The following BCAT1 variants were observed in gnomAD, a reference collection of about 807,000 sequenced individuals.
The protein encoded by BCAT1 is branched chain amino acid transaminase 1.
A neutral mutation model predicts 52.4 loss-of-function variants in BCAT1; 48 were observed. The ratio of observed to expected loss-of-function variants is 0.92; its 90% CI spans 0.73 to 1.16. BCAT1 has a LOEUF of 1.16. Ranked by LOEUF, BCAT1 falls within the 50% of genes most tolerant of loss-of-function variation. The pLI, the probability that BCAT1 is intolerant of heterozygous loss-of-function variation, is 0.00. For missense variants in BCAT1, 451 were observed against 457.1 expected (o/e 0.99, Z 0.12); for synonymous variants, 167 against 161.3 (o/e 1.04, Z -0.27).
At chr12:24,910,535 A>C (rs1304692521) in intron 1 of BCAT1, among the ~76,000 whole-genome samples, 1 of 152,198 alleles carries the variant, frequency 6.6e-6, no homozygotes, top group African/African-American at 2.4e-5. Context: ...AAAACCTAAT[A>C]ATAATAAATC....
chr12:24,871,138 A>ATGCCAAT (rs3044290), intron 5 of BCAT1, among the ~76,000 whole-genome samples: 31,693 of 152,044 alleles, frequency 0.21, 3,765 homozygotes, highest in African/African-American at 0.33. Flanking sequence ...AACAGATCAA[A>ATGCCAAT]TGCCAATTTC....
rs1180469179 is a variant in BCAT1 at position 24,948,936 on chromosome 12, TC to T, written c.-5del. 5 of 1,596,646 alleles carry T rather than the reference TC, an allele frequency of 3.1e-6. No homozygotes were observed. In the African/African-American group the frequency reaches 4.0e-5, roughly 13 times the overall value. The stretch of plus-strand genomic sequence containing the variant: ...AACCATAAGTAGTTACCTTCATTGT[TC>T]CGTCGGCCACGAGGGAAGCTCGAGC... On this transcript the variant is annotated 5_prime_UTR_variant, in exon 1 of 11. Coordinates refer to ENST00000261192, the MANE Select transcript of BCAT1 (RefSeq NM_005504.7).
intron 1 of BCAT1, 32 bp from the exon 2 acceptor site, chr12:24,901,917 A>C (rs767374863): frequency 4.0e-5 from 65 of 1,613,366 alleles, no homozygotes; most frequent in Non-Finnish European, 1.8e-5. Flanking sequence ...CATTAAGTAA[A>C]TGCAGGTGGG....
In BCAT1 at chr12:24,842,141, T is replaced by G; in HGVS notation, c.758A>C (p.His253Pro). The G allele has an allele frequency of 6.2e-7, 1 of 1,613,706 alleles. No homozygotes were observed. The highest frequency in any genetic ancestry group is 8.5e-7 in the Non-Finnish European group (1 of 1,179,604). ...CATAGTTCCCACTTCAGTGATCTGA[T>G]GGTCCTCTCCATAGAGCCACAGGAC... ...QQVLWLYGED[H>P]QITEVGTMNL... The change falls in exon 7 of 11, where the codon CAT becomes CCT. Residue 253 changes from histidine to proline, a missense_variant. Physicochemically the swap from His to Pro is moderately conservative, Grantham distance 77. Coordinates refer to ENST00000261192, the MANE Select transcript of BCAT1 (RefSeq NM_005504.7).
chr12:24,894,544 G>A, intron 2 of BCAT1, 69 bp from the exon 3 acceptor site: 1 of 1,292,968 alleles, frequency 7.7e-7, no homozygotes, highest in Non-Finnish European at 1.1e-6. Context: ...TTATACAGAG[G>A]GGAAAAAAAA....
At chr12:24,860,181 G>A (rs1412780433) in intron 5 of BCAT1, among the ~76,000 whole-genome samples, 2 of 152,130 alleles carry the variant, frequency 1.3e-5, no homozygotes, top group Non-Finnish European at 2.9e-5. Context: ...GCTCTTAAAT[G>A]CAGGTTTCTG....
At chr12:24,856,430 G>A (rs951195806) in intron 5 of BCAT1, among the ~76,000 whole-genome samples, 1 of 152,110 alleles carries the variant, frequency 6.6e-6, no homozygotes, top group African/African-American at 2.4e-5. Context: ...CTAACCCACG[G>A]TGTGACTGTA....
chr12:24,830,753 T>A (rs922034667), intron 9 of BCAT1: 4 of 152,198 alleles, frequency 2.6e-5, no homozygotes, highest in African/African-American at 9.7e-5. Flanking sequence ...ACAACTTCAG[T>A]GGATGGATCA....
intron 5 of BCAT1, among the ~76,000 whole-genome samples, chr12:24,855,661 G>A (rs1008855920): frequency 2.0e-5 from 3 of 152,324 alleles, no homozygotes; most frequent in East Asian, 1.9e-4. Flanking sequence ...GATTACAGGC[G>A]TGAACTACCA....
rs960375439 is a variant in BCAT1, at chr12:24,813,709, T to G, written c.*4299A>C. On this transcript the variant is annotated 3_prime_UTR_variant, in exon 11 of 11. Transcript: ENST00000261192. The stretch of plus-strand genomic sequence containing the variant: ...TAAACACCAACCTTATTAAGTAGTT[T>G]TGCACTAGAAGAAAGGAAGGAATTA... The G allele has an allele frequency of 6.6e-6, 1 of 152,008 alleles. No homozygotes were observed. The highest frequency in any genetic ancestry group is 2.4e-5 in the African/African-American group (1 of 41,426). 9.4% of individuals were successfully genotyped at this position (152,008 alleles called of 1,614,324 possible).
intron 10 of BCAT1, among the ~76,000 whole-genome samples, chr12:24,826,285 CATT>C (rs1940395670): frequency 6.6e-6 from 1 of 152,176 alleles, no homozygotes; most frequent in Non-Finnish European, 1.5e-5. Context: ...AGATTCAAGT[CATT>C]AATATACTTT....
At chr12:24,888,989 TA>T (rs551016933) in intron 3 of BCAT1, among the ~76,000 whole-genome samples, 85 of 152,046 alleles carry the variant, frequency 5.6e-4, no homozygotes, top group Non-Finnish European at 1.0e-3. Context: ...ATAAAAGGAT[TA>T]GGGTGGGGCA....
In BCAT1 at chr12:24,814,667, A is replaced by C. The variant is rs1045073411; in HGVS notation, c.*3341T>G. ...TAGGTAAATTTTATGAAGCAACAAA[A>C]CTAATATGGTGAAGAATTTTAACCC... On this transcript the variant is annotated 3_prime_UTR_variant, in exon 11 of 11. Transcript: ENST00000261192. 3 of 152,046 alleles carry C rather than the reference A, an allele frequency of 2.0e-5. No homozygotes were observed. Among genetic ancestry groups the C allele is most frequent in the African/African-American group, 7.2e-5 (3 of 41,410 alleles). 9.4% of individuals were successfully genotyped at this position (152,046 alleles called of 1,614,324 possible).
At chr12:24,861,038 A>C (rs1941836287) in intron 5 of BCAT1, among the ~76,000 whole-genome samples, 1 of 152,254 alleles carries the variant, frequency 6.6e-6, no homozygotes, top group Admixed American at 6.5e-5. Context: ...CAAACAAATC[A>C]GTCCTACCAT....
chr12:24,908,926 AGAGT>A (rs1450842095), intron 1 of BCAT1, among the ~76,000 whole-genome samples: 4 of 152,178 alleles, frequency 2.6e-5, no homozygotes, highest in African/African-American at 4.8e-5. Flanking sequence ...ATTTAAACTC[AGAGT>A]AAGTAATGGG....
chr12:24,863,418 A>G (rs1293589594), intron 5 of BCAT1, among the ~76,000 whole-genome samples: 1 of 152,264 alleles, frequency 6.6e-6, no homozygotes, highest in African/African-American at 2.4e-5. Context: ...GACTGTAAAC[A>G]TGACCACAGA....
At chr12:24,933,854 T>C (rs1344996656) in intron 1 of BCAT1, among the ~76,000 whole-genome samples, 5 of 151,966 alleles carry the variant, frequency 3.3e-5, no homozygotes, top group African/African-American at 1.2e-4. Context: ...GAGGAGGTGG[T>C]GTCTGATTTA....
intron 1 of BCAT1, among the ~76,000 whole-genome samples, chr12:24,946,786 A>G (rs1279504539): frequency 6.6e-6 from 1 of 152,224 alleles, no homozygotes; most frequent in Non-Finnish European, 1.5e-5. Flanking sequence ...TCCATAGTAC[A>G]AAACTCAATT....
At chr12:24,831,332 T>C (rs1344261771) in intron 9 of BCAT1, among the ~76,000 whole-genome samples, 6 of 152,126 alleles carry the variant, frequency 3.9e-5, no homozygotes, top group Non-Finnish European at 8.8e-5. Context: ...AGGCTACTAG[T>C]AGTTAAGTTT....
Sources: gnomAD v4.1 joint callset for allele counts (sites outside exome capture counted in the v4.1 genomes callset) on GRCh38, gnomAD v4.1.1 for gene constraint, MANE v1.5 for transcripts, NCBI Gene and HGNC (gene_info 2026-07-23, HGNC 2026-07-21) for gene names.